The following LMO3 variants were observed in gnomAD, a reference collection of about 807,000 sequenced individuals.
LMO3 encodes the protein LIM domain only 3, also known as LIM domain only protein 3.
A neutral mutation model predicts 15.8 loss-of-function variants in LMO3; 2 were observed. That is an observed-to-expected ratio of 0.13 (90% confidence interval 0.05 to 0.40). The LOEUF (loss-of-function observed/expected upper bound fraction) is 0.40, where lower values mean the gene tolerates loss of function less well. Among genes scored for constraint, LMO3 ranks in the 10% least tolerant of loss-of-function variants. LMO3 has a pLI of 0.99. For synonymous variants in LMO3, 62 were observed against 63.8 expected, an observed-to-expected ratio of 0.97 and a Z score of 0.13; for missense variants, 86 against 182.2, an observed-to-expected ratio of 0.47 and a Z score of 3.04.
chr12:16,593,891 C>T lies in LMO3; in HGVS notation c.206+6764G>A, dbSNP rs1291157569. ...GGAAATACATGGTTAATCATCAAAA[C>T]AAGTATATTATCATAGTAAAAACAG... On this transcript the variant is annotated intron_variant, in intron 2 of 3. Coordinates refer to ENST00000537304, the MANE Select transcript of LMO3 (RefSeq NM_018640.5). The surrounding 1 kb of genome is among the most constrained non-coding windows in gnomAD (Gnocchi z 4.2). 6.6e-6 allele frequency among the ~76,000 whole-genome samples: 1 copy of T among 151,702 alleles called. No individual in the cohort carries two copies. The highest frequency in any genetic ancestry group is 6.6e-5 in the Admixed American group (1 of 15,200).
Position 16,604,838 on chromosome 12 carries a change from T to C in LMO3, c.-9+1228A>G, listed in dbSNP as rs1943934880. 2.5e-6 allele frequency: 4 copies of C among 1,598,046 alleles called. No individual in the cohort carries two copies. The highest frequency in any genetic ancestry group is 3.4e-6 in the Non-Finnish European group (4 of 1,179,486). ...CCAGGAGTGCAGAGCGCCAGCAAAG[T>C]GCATCTATGATAGACTGTAACCTTA... On this transcript the variant is annotated intron_variant, in intron 1 of 3. Coordinates refer to ENST00000537304, the MANE Select transcript of LMO3 (RefSeq NM_018640.5). The surrounding 1 kb of genome is among the most constrained non-coding windows in gnomAD (Gnocchi z 5.3).
Position 16,582,322 on chromosome 12 carries a change from A to C in LMO3, c.206+18333T>G, listed in dbSNP as rs1943186742. ...GTTCATTCTCTGAATTCTAGAAAACATCTTACCTGTTCCTATAGTATTATT... is the reference window on the plus strand; with the variant it reads ...GTTCATTCTCTGAATTCTAGAAAACCTCTTACCTGTTCCTATAGTATTATT... On this transcript the variant is annotated intron_variant, in intron 2 of 3. Transcript: ENST00000537304. This position sits in a 1 kb window ranked among gnomAD's most constrained non-coding sequence, Gnocchi z 4.1. 6.6e-6 allele frequency among the ~76,000 whole-genome samples: 1 copy of C among 152,192 alleles called. No homozygotes were observed. Among genetic ancestry groups the C allele is most frequent in the South Asian group, 2.1e-4 (1 of 4,832 alleles).
intron 1 of LMO3, among the ~76,000 whole-genome samples, chr12:16,602,944 T>C (rs1943870600): frequency 6.6e-6 from 1 of 151,966 alleles, no homozygotes; most frequent in Non-Finnish European, 1.5e-5. Flanking sequence ...CTATTAAATT[T>C]GTAAGGCTAT....
chr12:16,587,369 G>A lies in LMO3; in HGVS notation c.206+13286C>T, dbSNP rs1375477001. On this transcript the variant is annotated intron_variant, in intron 2 of 3. Transcript: ENST00000537304. The surrounding 1 kb of genome is among the most constrained non-coding windows in gnomAD (Gnocchi z 4.3). ...AAAAATTCCAAAGCATTCTTAAAAC[G>A]TTTCACTTAAACATTTCTGCAATAA... is the stretch of plus-strand genomic sequence containing the variant. Among the ~76,000 whole-genome samples, 2 of 152,026 alleles carry A rather than the reference G, an allele frequency of 1.3e-5. No homozygotes were observed. Among genetic ancestry groups the A allele is most frequent in the Non-Finnish European group, 2.9e-5 (2 of 67,984 alleles).
At position 16,596,184 on chromosome 12, in the gene LMO3, T is replaced by C. The variant is rs1052005404; in HGVS notation, c.206+4471A>G. On this transcript the variant is annotated intron_variant, in intron 2 of 3. Coordinates refer to ENST00000537304, the MANE Select transcript of LMO3 (RefSeq NM_018640.5). This position sits in a 1 kb window ranked among gnomAD's most constrained non-coding sequence, Gnocchi z 4.3. ...ATTTTTATTTTCTCTTTTAGAGTTA[T>C]TATATTATTATATTAAAGCCTATAA... Among the ~76,000 whole-genome samples the C allele has an allele frequency of 6.6e-6, 1 of 151,540 alleles. No individual in the cohort carries two copies. The highest frequency in any genetic ancestry group is 1.5e-5 in the Non-Finnish European group (1 of 67,568).
upstream of LMO3, chr12:16,607,605 A>G (rs1434912471): frequency 6.6e-6 from 1 of 152,182 alleles, no homozygotes; most frequent in Non-Finnish European, 1.5e-5. Flanking sequence ...ACCAGATTTT[A>G]CAAAGCTTTG....
chr12:16,608,721 GGA>G (rs1253359354), upstream of LMO3: 3 of 151,744 alleles, frequency 2.0e-5, no homozygotes, highest in Non-Finnish European at 2.9e-5. The surrounding 1 kb of genome is among the most constrained non-coding windows in gnomAD (Gnocchi z 4.1). Context: ...AGAGAGAGAA[GGA>G]GAGACAGAGG....
At chr12:16,607,786 T>A (rs1944051010), upstream of LMO3, 2 of 148,542 alleles carry the variant, frequency 1.3e-5, no homozygotes. Context: ...CCCCCATGAG[T>A]ATTTAAGCTA....
At chr12:16,566,819 T>C (rs1229075580) in intron 2 of LMO3, among the ~76,000 whole-genome samples, 2 of 152,072 alleles carry the variant, frequency 1.3e-5, no homozygotes, top group African/African-American at 2.4e-5. Context: ...AACATGCACA[T>C]ACACACATAA....
chr12:16,580,071 C>A (rs995849248), intron 2 of LMO3, among the ~76,000 whole-genome samples: 1 of 152,078 alleles, frequency 6.6e-6, no homozygotes, highest in African/African-American at 2.4e-5. Context: ...TATGTATTTC[C>A]TGATATTATA....
intron 2 of LMO3, among the ~76,000 whole-genome samples, chr12:16,581,111 A>G (rs554082545): frequency 7.9e-5 from 12 of 152,370 alleles, no homozygotes; most frequent in Non-Finnish European, 1.6e-4. Context: ...AGAGAAACAA[A>G]GGAAGTTCAT....
In LMO3 at chr12:16,604,100, G is replaced by C. The variant is rs370416062; in HGVS notation, c.-9+1966C>G. Reference sequence around the variant, plus strand: ...AAGAATTTGGCCAACATGGCCATTCGATTGCCAAGAGGCACCAGACAAAAG... The same window carrying C: ...AAGAATTTGGCCAACATGGCCATTCCATTGCCAAGAGGCACCAGACAAAAG... On this transcript the variant is annotated intron_variant, in intron 1 of 3. Transcript: ENST00000537304. This position sits in a 1 kb window ranked among gnomAD's most constrained non-coding sequence, Gnocchi z 5.3. Among the ~76,000 whole-genome samples the C allele has an allele frequency of 2.6e-5, 4 of 152,166 alleles. No homozygotes were observed. The highest frequency in any genetic ancestry group is 9.7e-5 in the African/African-American group (4 of 41,438).
chr12:16,581,067 ATAGT>A (rs1277933630), intron 2 of LMO3, among the ~76,000 whole-genome samples: 3 of 152,246 alleles, frequency 2.0e-5, no homozygotes, highest in East Asian at 1.9e-4. Context: ...AACATTGTAA[ATAGT>A]TAGGTACAAG....
At chr12:16,594,209 C>G (rs938271703) in intron 2 of LMO3, 6 of 1,531,012 alleles carry the variant, frequency 3.9e-6, no homozygotes, top group Admixed American at 2.0e-5. Context: ...TACACAGATT[C>G]CAATCTCTGT....
At chr12:16,561,009 TTAAA>T (rs565213140) in intron 2 of LMO3, among the ~76,000 whole-genome samples, 149 of 152,258 alleles carry the variant, frequency 9.8e-4, no homozygotes, top group African/African-American at 3.3e-3. Context: ...AAGAAGCCAT[TTAAA>T]TAGTCAAAAA....
chr12:16,551,441 AC>A, intron 3 of LMO3, 114 bp from the exon 4 acceptor site: 1 of 666,314 alleles, frequency 1.5e-6, no homozygotes, highest in East Asian at 2.7e-5. Context: ...GAATCTGAAA[AC>A]CTGGCTTAGA....
intron 2 of LMO3, among the ~76,000 whole-genome samples, chr12:16,569,507 G>T (rs1330424905): frequency 6.6e-6 from 1 of 152,110 alleles, no homozygotes; most frequent in African/African-American, 2.4e-5. Context: ...ATTTTCCAAA[G>T]CCTTACGAGC....
intron 1 of LMO3, chr12:16,605,427 T>G (rs1219786523): frequency 2.6e-5 from 20 of 783,404 alleles, no homozygotes; most frequent in South Asian, 3.9e-5. Context: ...CTTCTGCCCC[T>G]ACCCGCCTGC....
intron 3 of LMO3, among the ~76,000 whole-genome samples, chr12:16,558,329 T>TATGAATATGTAATCTTTTA (rs1386256195): frequency 1.3e-5 from 2 of 152,102 alleles, no homozygotes; most frequent in Non-Finnish European, 2.9e-5. Context: ...AATTTCCTAC[T>TATGAATATGTAATCTTTTA]ATGAATATGT....
Sources: allele counts gnomAD v4.1 joint callset (sites outside exome capture counted in the v4.1 genomes callset), GRCh38; gene constraint gnomAD v4.1.1; non-coding constraint Gnocchi (gnomAD v3.1); transcripts MANE v1.5; gene names NCBI Gene and HGNC (gene_info 2026-07-23, HGNC 2026-07-21).